The following GART variants were observed in gnomAD, a reference collection of about 807,000 sequenced individuals.
GART encodes trifunctional purine biosynthetic protein adenosine-3.
A neutral mutation model predicts 107.2 loss-of-function variants in GART; 43 were observed. That is an observed-to-expected ratio of 0.40 (90% CI 0.31 to 0.52). GART has a LOEUF of 0.52. GART is among the 20% of genes least tolerant of loss of function. The probability of loss-of-function intolerance (pLI) is 0.52; values close to 1 mark genes in which losing one functional copy is unlikely to be tolerated. For synonymous variants in GART, 434 were observed against 427.0 expected, an observed-to-expected ratio of 1.02 and a Z score of -0.20; for missense variants, 1,107 against 1,206.5, an observed-to-expected ratio of 0.92 and a Z score of 1.22.
chr21:33,518,810 C>G, intron 14 of GART: 1 of 520,870 alleles, frequency 1.9e-6, no homozygotes, highest in South Asian at 1.5e-5. Flanking sequence ...TCTCCTTAAA[C>G]TAGTCAGATT....
At chr21:33,517,221 C>G (rs1286671513) in intron 15 of GART, 80 bp from the exon 16 acceptor site, 1 of 1,557,886 alleles carries the variant, frequency 6.4e-7, no homozygotes, top group African/African-American at 1.4e-5. Context: ...GAGAATGACA[C>G]CAGCTCTACA....
intron 7 of GART, among the ~76,000 whole-genome samples, chr21:33,529,174 A>G (rs573134260): frequency 2.0e-5 from 3 of 152,328 alleles, no homozygotes; most frequent in East Asian, 3.9e-4. Context: ...CTAGCCAAAA[A>G]TAACTTCCCG....
chr21:33,522,335 T>A, intron 11 of GART, 53 bp from the exon 12 acceptor site: 1 of 1,269,334 alleles, frequency 7.9e-7, no homozygotes, highest in South Asian at 1.2e-5. Flanking sequence ...ATTATTTTAA[T>A]CTTAAAATAT....
At position 33,539,334 on chromosome 21, in the gene GART, G is replaced by C; in HGVS notation, c.-19C>G. The C allele has an allele frequency of 5.0e-6, 8 of 1,593,006 alleles. No homozygotes were observed. The highest frequency in any genetic ancestry group is 6.8e-6 in the Non-Finnish European group (8 of 1,174,086). ...CTGCCATTGTTCTGTCTGTAAAGCA[G>C]AAATTCCAAAGGAAAATGAAACCTG... On this transcript the variant is annotated 5_prime_UTR_variant, in exon 2 of 22. Transcript: ENST00000381815.
At chr21:33,535,346 A>AAAAAACC in intron 2 of GART, 26 bp from the exon 3 acceptor site, 1 of 1,233,052 alleles carries the variant, frequency 8.1e-7, no homozygotes. Context: ...AAAAAAAAAA[A>AAAAAACC]ACCACTGCAT....
chr21:33,534,836 T>C, intron 3 of GART, 83 bp from the exon 4 acceptor site: 1 of 1,206,598 alleles, frequency 8.3e-7, no homozygotes, highest in Non-Finnish European at 1.1e-6. Context: ...TATCAGACTA[T>C]ATCTACATCT....
At chr21:33,529,750 C>T (rs1048606996) in intron 7 of GART, 4 of 154,870 alleles carry the variant, frequency 2.6e-5, no homozygotes, top group Middle Eastern at 5.3e-4. Flanking sequence ...TGAGCCACTG[C>T]GCCTGGCCTA....
intron 11 of GART, among the ~76,000 whole-genome samples, chr21:33,523,714 C>A (rs1358831197): frequency 6.6e-6 from 1 of 152,068 alleles, no homozygotes; most frequent in Non-Finnish European, 1.5e-5. Context: ...CGCCTGTAAT[C>A]CCAGTACTTG....
In GART at chr21:33,506,010, C is replaced by A; in HGVS notation, c.2547G>T (p.Gly849=). ...IVISNKAAVA[G]LDKAERAGIP... The stretch of plus-strand genomic sequence containing the variant: ...TACCAGCTCTTTCCGCTTTATCTAA[C>A]CCAGCTACTGCGGCTTTGTTGGAGA... Residue 849 remains glycine (G), a synonymous_variant, in exon 19 of 22, where the codon GGG becomes GGT. Transcript: ENST00000381815. 1 of 1,614,192 alleles carries A rather than the reference C, an allele frequency of 6.2e-7. No individual in the cohort carries two copies. The highest frequency in any genetic ancestry group is 8.5e-7 in the Non-Finnish European group (1 of 1,180,030).
At chr21:33,516,898 CAT>C in intron 16 of GART, 89 bp downstream of exon 16, 2 of 1,106,312 alleles carry the variant, frequency 1.8e-6, no homozygotes, top group Non-Finnish European at 1.3e-6. Flanking sequence ...CATGTGTAAT[CAT>C]GTGTACATTA....
chr21:33,528,064 C>T, intron 10 of GART, 103 bp downstream of exon 10: 2 of 1,085,066 alleles, frequency 1.8e-6, no homozygotes, highest in South Asian at 2.7e-5. Context: ...TTTCTGATGG[C>T]TTCACACTCT....
At chr21:33,522,122 T>C (rs577103158) in intron 12 of GART, 66 bp downstream of exon 12, 1 of 1,263,566 alleles carries the variant, frequency 7.9e-7, no homozygotes, top group African/African-American at 1.5e-5. Flanking sequence ...CTGTTAAATA[T>C]AAAACCCAAA....
At chr21:33,507,764 G>A (rs562908747) in intron 18 of GART, among the ~76,000 whole-genome samples, 15 of 152,260 alleles carry the variant, frequency 9.9e-5, no homozygotes, top group Non-Finnish European at 1.5e-4. Flanking sequence ...ACTGGGAGGC[G>A]GAGTTTGCAG....
In GART at chr21:33,528,948, TG is replaced by T. The variant is rs1390334614; in HGVS notation, c.724-12del. 1 of 1,572,022 alleles carries T rather than the reference TG, an allele frequency of 6.4e-7. No individual in the cohort carries two copies. The highest frequency in any genetic ancestry group is 1.7e-5 in the Admixed American group (1 of 59,826). ...TAGATCATTAGAAACCTGGAGAACG[TG>T]CAGAAACAGTTAAATGTAACAGGTA... On this transcript the variant is annotated splice_polypyrimidine_tract_variant and intron_variant, in intron 7 of 21. Transcript: ENST00000381815.
chr21:33,529,804 A>G (rs1385644373), intron 7 of GART: 1 of 154,404 alleles, frequency 6.5e-6, no homozygotes, highest in Non-Finnish European at 1.5e-5. Context: ...GGGGCACTAC[A>G]TTAGCACAAA....
At chr21:33,515,652 C>CAAAAAAAAAAAAAAAAAAAAAAACAA (rs1555890804) in intron 16 of GART, among the ~76,000 whole-genome samples, 10 of 35,832 alleles carry the variant, frequency 2.8e-4, no homozygotes, top group African/African-American at 6.5e-4. Context: ...GACTCCAACT[C>CAAAAAAAAAAAAAAAAAAAAAAACAA]AAAAAAAAAA....
At chr21:33,534,873 G>A in intron 3 of GART, 120 bp from the exon 4 acceptor site, 2 of 807,030 alleles carry the variant, frequency 2.5e-6, no homozygotes, top group East Asian at 5.9e-5. Context: ...TGGTGGCAGA[G>A]GATAACTAAC....
chr21:33,538,273 G>C (rs1179192831), intron 2 of GART, among the ~76,000 whole-genome samples: 1 of 149,638 alleles, frequency 6.7e-6, no homozygotes, highest in African/African-American at 2.5e-5. Flanking sequence ...GTCAGAGAGA[G>C]ATAAGGGTTG....
chr21:33,520,233 C>T, intron 14 of GART, 131 bp downstream of exon 14: 2 of 721,992 alleles, frequency 2.8e-6, no homozygotes, highest in Admixed American at 2.6e-5. Context: ...TTCATTTGTG[C>T]ATATCACATA....
Sources: allele counts gnomAD v4.1 joint callset (sites outside exome capture counted in the v4.1 genomes callset), GRCh38; gene constraint gnomAD v4.1.1; transcripts MANE v1.5; gene names NCBI Gene and HGNC (gene_info 2026-07-23, HGNC 2026-07-21).